Variants in TRIM2 observed in about 807,000 individuals in gnomAD.
TRIM2 encodes tripartite motif containing 2.
A neutral mutation model predicts 75.2 loss-of-function variants in TRIM2; 20 were observed. The observed-to-expected ratio is 0.27, with a 90% CI of 0.19 to 0.39. The LOEUF is 0.39. Ranked by LOEUF, TRIM2 falls within the 10% of genes least tolerant of loss-of-function variation. The probability of loss-of-function intolerance (pLI) is 1.00; values close to 1 mark genes in which losing one functional copy is unlikely to be tolerated. For synonymous variants in TRIM2, 373 were observed against 388.3 expected, an observed-to-expected ratio of 0.96 and a Z score of 0.46; for missense variants, 660 against 990.8, an observed-to-expected ratio of 0.67 and a Z score of 4.48.
At chr4:153,268,173 T>A (rs938337371) in intron 1 of TRIM2, among the ~76,000 whole-genome samples, 1 of 152,190 alleles carries the variant, frequency 6.6e-6, no homozygotes, top group African/African-American at 2.4e-5. Context: ...CTGCAAAACA[T>A]CTCAAGCACT....
At chr4:153,244,744 G>T (rs542568376) in intron 1 of TRIM2, among the ~76,000 whole-genome samples, 1 of 152,060 alleles carries the variant, frequency 6.6e-6, no homozygotes, top group Non-Finnish European at 1.5e-5. Flanking sequence ...ATGAACTAGA[G>T]AATAAATATC....
At chr4:153,189,011 T>TAA (rs199933909) in intron 1 of TRIM2, among the ~76,000 whole-genome samples, 1 of 146,138 alleles carries the variant, frequency 6.8e-6, no homozygotes, top group Non-Finnish European at 1.5e-5. Context: ...TTTCTTTCTT[T>TAA]AAAAAAAAAA....
At chr4:153,171,777 C>A (rs1170054058) in intron 1 of TRIM2, among the ~76,000 whole-genome samples, 1 of 149,638 alleles carries the variant, frequency 6.7e-6, no homozygotes, top group Non-Finnish European at 1.5e-5. Flanking sequence ...CAACAGTTAC[C>A]AACATTTTGC....
chr4:153,273,129 G>T (rs1018641128), intron 2 of TRIM2, among the ~76,000 whole-genome samples: 1 of 152,026 alleles, frequency 6.6e-6, no homozygotes, highest in Non-Finnish European at 1.5e-5. Context: ...GAGTCACTGC[G>T]CCCGGTGGGG....
chr4:153,320,396 A>C (rs1768668146), intron 8 of TRIM2, among the ~76,000 whole-genome samples: 1 of 152,230 alleles, frequency 6.6e-6, no homozygotes, highest in African/African-American at 2.4e-5. Flanking sequence ...AAAAATACAT[A>C]TGTGGTTCAC....
intron 1 of TRIM2, among the ~76,000 whole-genome samples, chr4:153,168,945 T>G (rs4416460): frequency 0.64 from 97,674 of 151,920 alleles, 33,271 homozygotes; most frequent in Admixed American, 0.75. Flanking sequence ...GCTGGGCATG[T>G]TGGCACATGC....
At chr4:153,170,142 G>A (rs942251154) in intron 1 of TRIM2, among the ~76,000 whole-genome samples, 1 of 152,146 alleles carries the variant, frequency 6.6e-6, no homozygotes, top group African/African-American at 2.4e-5. Flanking sequence ...GAAGGAGGAG[G>A]AAGAGGGGGA....
At chr4:153,294,547 T>C (rs890147761) in intron 5 of TRIM2, 62 bp downstream of exon 5, 23 of 1,545,882 alleles carry the variant, frequency 1.5e-5, no homozygotes, top group Middle Eastern at 3.4e-4. Context: ...CACTAGCTTA[T>C]TGTTTCCTAA....
At chr4:153,289,837 A>T (rs1761469217) in intron 3 of TRIM2, among the ~76,000 whole-genome samples, 1 of 152,234 alleles carries the variant, frequency 6.6e-6, no homozygotes, top group Non-Finnish European at 1.5e-5. Context: ...CATTGGATTG[A>T]CTAAGCACTG....
intron 11 of TRIM2, 117 bp downstream of exon 11, chr4:153,328,787 A>G: frequency 8.7e-7 from 1 of 1,146,356 alleles, no homozygotes; most frequent in Non-Finnish European, 1.2e-6. Flanking sequence ...ACATAGAACC[A>G]TAGATACTCT....
chr4:153,241,613 A>C (rs1293275894), intron 1 of TRIM2, among the ~76,000 whole-genome samples: 1 of 152,196 alleles, frequency 6.6e-6, no homozygotes, highest in African/African-American at 2.4e-5. Flanking sequence ...ACCCAGGAGC[A>C]GAGAACCCAG....
intron 6 of TRIM2, among the ~76,000 whole-genome samples, chr4:153,306,190 T>C (rs1232355039): frequency 6.6e-6 from 1 of 152,094 alleles, no homozygotes; most frequent in East Asian, 1.9e-4. Context: ...ATTAGCCATA[T>C]GACTTAGGGG....
chr4:153,194,890 T>C (rs1271149282), intron 1 of TRIM2, among the ~76,000 whole-genome samples: 2 of 152,214 alleles, frequency 1.3e-5, no homozygotes, highest in African/African-American at 4.8e-5. Flanking sequence ...TCTGTCTCCC[T>C]TGCCTGTGTG....
intron 2 of TRIM2, among the ~76,000 whole-genome samples, chr4:153,271,257 A>G (rs961997243): frequency 6.6e-6 from 1 of 152,210 alleles, no homozygotes; most frequent in Non-Finnish European, 1.5e-5. Context: ...TTAAAAATAA[A>G]TATGGTAATT....
Position 153,335,544 on chromosome 4 carries a change from G to A in TRIM2, c.*578G>A. On this transcript the variant is annotated 3_prime_UTR_variant, in exon 12 of 12. Transcript: ENST00000338700. ...CAGCTCTGATTAGCAGCCCTCTGGA[G>A]TTCAGAACTTAAGTATCAGTGCAAA... is the stretch of plus-strand genomic sequence containing the variant. 1.0e-6 allele frequency: 1 copy of A among 985,322 alleles called. No individual in the cohort carries two copies. Among genetic ancestry groups the A allele is most frequent in the Non-Finnish European group, 1.2e-6 (1 of 829,920 alleles). The allele number at this position is 985,322 out of a possible 1,614,324, so 61.0% of individuals were successfully genotyped here.
At chr4:153,172,348 C>T (rs1248922637) in intron 1 of TRIM2, among the ~76,000 whole-genome samples, 2 of 152,156 alleles carry the variant, frequency 1.3e-5, no homozygotes, top group African/African-American at 2.4e-5. Context: ...CCACCGCGCC[C>T]GGCTAATTTT....
At chr4:153,308,636 C>G (rs1480543924) in intron 6 of TRIM2, 3 of 608,928 alleles carry the variant, frequency 4.9e-6, no homozygotes, top group Non-Finnish European at 9.7e-6. Context: ...ATGGCCATTT[C>G]AATGTTCAAA....
chr4:153,174,401 A>G (rs886785496), intron 1 of TRIM2, among the ~76,000 whole-genome samples: 4 of 151,904 alleles, frequency 2.6e-5, no homozygotes, highest in Admixed American at 1.3e-4. Flanking sequence ...GAACAGAGAG[A>G]GAAGGACATA....
At chr4:153,154,851 C>T (rs147674013) in intron 1 of TRIM2, among the ~76,000 whole-genome samples, 35 of 152,154 alleles carry the variant, frequency 2.3e-4, no homozygotes, top group Middle Eastern at 3.4e-3. Flanking sequence ...TAAATTTGCC[C>T]CAAATTGGCC....
Sources: allele counts gnomAD v4.1 joint callset (sites outside exome capture counted in the v4.1 genomes callset), GRCh38; gene constraint gnomAD v4.1.1; transcripts MANE v1.5; gene names NCBI Gene and HGNC (gene_info 2026-07-23, HGNC 2026-07-21).